RAPGEF6: variants seen among roughly 807,000 people sequenced by gnomAD.
The protein encoded by RAPGEF6 is Rap guanine nucleotide exchange factor 6, also known as PDZ domain containing guanine nucleotide exchange factor (GEF) 2.
RAPGEF6 carries 56 observed loss-of-function variants against 171.4 expected under a neutral mutation model. The ratio of observed to expected loss-of-function variants is 0.33; its 90% confidence interval spans 0.26 to 0.41. The LOEUF is 0.41. RAPGEF6 is among the 10% of genes least tolerant of loss of function. The pLI, the probability that RAPGEF6 is intolerant of heterozygous loss-of-function variation, is 1.00. For synonymous variants in RAPGEF6, 692 were observed against 650.1 expected (o/e 1.06, Z -0.98); for missense variants, 1,674 against 1,921.4 (o/e 0.87, Z 2.41).
intron 7 of RAPGEF6, among the ~76,000 whole-genome samples, chr5:131,518,270 G>A (rs1758233434): frequency 6.6e-6 from 1 of 151,644 alleles, no homozygotes. Flanking sequence ...GTATGTAGGT[G>A]TATATTTTTA....
In RAPGEF6 at chr5:131,427,260, C is replaced by T; in HGVS notation, c.*6G>A. On this transcript the variant is annotated 3_prime_UTR_variant, in exon 28 of 28. Transcript: ENST00000509018. ...TTCAGTGGTTTTCAAATAGGTCATC[C>T]AAAGGCTAGACTGCTGAAACTTGTT... 1 of 1,609,060 alleles carries T rather than the reference C, an allele frequency of 6.2e-7. No homozygotes were observed.
chr5:131,634,740 C>A (rs1027134352), intron 1 of RAPGEF6, among the ~76,000 whole-genome samples: 1 of 152,192 alleles, frequency 6.6e-6, no homozygotes, highest in African/African-American at 2.4e-5. Context: ...CAGAAGCCCC[C>A]GGCAAGGACG....
At chr5:131,491,589 G>A (rs1756287571) in intron 14 of RAPGEF6, among the ~76,000 whole-genome samples, 1 of 152,160 alleles carries the variant, frequency 6.6e-6, no homozygotes, top group Non-Finnish European at 1.5e-5. Flanking sequence ...CACACAGCAG[G>A]AGGTGAGCAG....
chr5:131,623,494 TTTTTGTG>T (rs1765716405), intron 1 of RAPGEF6, among the ~76,000 whole-genome samples: 1 of 149,978 alleles, frequency 6.7e-6, no homozygotes, highest in African/African-American at 2.5e-5. Flanking sequence ...TTTTTTTTTT[TTTTTGTG>T]AGACAGAGTT....
intron 16 of RAPGEF6, 145 bp downstream of exon 16, chr5:131,479,368 T>C: frequency 1.3e-6 from 1 of 765,706 alleles, no homozygotes; most frequent in Non-Finnish European, 2.1e-6. Context: ...AGTTCAAATG[T>C]ATTCTTATTT....
Position 131,578,016 on chromosome 5 carries a change from C to T in RAPGEF6, c.281+14367G>A, listed in dbSNP as rs113166755. Among the ~76,000 whole-genome samples, 978 of 152,304 alleles carry T rather than the reference C, an allele frequency of 6.4e-3. 11 individuals carry two copies. The highest frequency in any genetic ancestry group is 0.019 in the African/African-American group (775 of 41,566). The stretch of plus-strand genomic sequence containing the variant: ...CTCCTATTCACCATTCTCAACTACT[C>T]GTAAATGCCCTGCCCTTGTTTACAC... On this transcript the variant is annotated intron_variant, in intron 4 of 27. Coordinates refer to ENST00000509018, the MANE Select transcript of RAPGEF6 (RefSeq NM_016340.6).
At chr5:131,562,744 G>C (rs896549398) in intron 4 of RAPGEF6, among the ~76,000 whole-genome samples, 4 of 152,064 alleles carry the variant, frequency 2.6e-5, no homozygotes, top group Admixed American at 6.5e-5. Flanking sequence ...AGTAAAACAA[G>C]TCTATATATG....
At chr5:131,545,408 AG>A (rs1244832861) in intron 6 of RAPGEF6, among the ~76,000 whole-genome samples, 1 of 152,080 alleles carries the variant, frequency 6.6e-6, no homozygotes, top group Non-Finnish European at 1.5e-5. Context: ...TTACACATTA[AG>A]GAAAAAAAAA....
intron 1 of RAPGEF6, among the ~76,000 whole-genome samples, chr5:131,631,958 C>A (rs536629014): frequency 6.6e-6 from 1 of 151,990 alleles, no homozygotes; most frequent in East Asian, 1.9e-4. Flanking sequence ...CACCTGTAGT[C>A]CCAGCTACTC....
chr5:131,496,853 G>C (rs1372856544), intron 12 of RAPGEF6, among the ~76,000 whole-genome samples: 1 of 151,888 alleles, frequency 6.6e-6, no homozygotes, highest in Non-Finnish European at 1.5e-5. Flanking sequence ...TAATTCTCTG[G>C]GTATTTACCT....
rs565308002 is a variant in RAPGEF6, at chr5:131,601,066, G to T, written c.197+2205C>A. 9.3e-5 allele frequency among the ~76,000 whole-genome samples: 12 copies of T among 128,696 alleles called. No homozygotes were observed. In the South Asian group the frequency reaches 3.0e-3, roughly 32 times the overall value. The allele number at this position is 128,696 out of a possible 152,430, so 84.4% of individuals were successfully genotyped here. ...GGAGTTCAAGACTGGCCTGGGCAAC[G>T]CAAGAAAACTCCATTTCAAAAAAAA... On this transcript the variant is annotated intron_variant, in intron 3 of 27. Coordinates refer to ENST00000509018, the MANE Select transcript of RAPGEF6 (RefSeq NM_016340.6).
intron 4 of RAPGEF6, among the ~76,000 whole-genome samples, chr5:131,576,886 GA>G (rs1380309612): frequency 2.0e-5 from 3 of 151,990 alleles, no homozygotes; most frequent in Non-Finnish European, 2.9e-5. Context: ...TTCCATCATG[GA>G]AATCCATCCT....
rs186792863 is a variant in RAPGEF6, at chr5:131,513,739, G to A, written c.628-3248C>T. 3.9e-4 allele frequency among the ~76,000 whole-genome samples: 59 copies of A among 152,324 alleles called. No homozygotes were observed. The East Asian group carries it at 0.011, about 28-fold the overall frequency. ...TTTGTCTTTCTAAGCCAGGCACAAT[G>A]GCTCCTGCCTGTAATCTCAGCACTT... On this transcript the variant is annotated intron_variant, in intron 7 of 27. Transcript: ENST00000509018.
In RAPGEF6 at chr5:131,429,016, T is replaced by A. The variant is rs1227553638; in HGVS notation, c.4666A>T (p.Ser1556Cys). 2 of 1,614,158 alleles carry A rather than the reference T, an allele frequency of 1.2e-6. No individual in the cohort carries two copies. Among genetic ancestry groups the A allele is most frequent in the Non-Finnish European group, 1.7e-6 (2 of 1,179,996 alleles). ...GATGGAACACAGGCCACGAGGTTGC[T>A]ACTGAGAGAAGCTGGTGGCAGTCTA... ...LSRLPPASLS[S>C]NLVACVPSKI... The change falls in exon 27 of 28, where the codon AGC (serine) becomes TGC (cysteine). Residue 1556 changes from serine to cysteine, a missense_variant. Ser to Cys is a moderately radical substitution (Grantham distance 112, BLOSUM62 -1). This residue lies in a region of RAPGEF6 where 552 missense variants were observed against 574.2 expected (regional missense o/e 0.96). Transcript: ENST00000509018.
At chr5:131,562,815 G>A (rs1309943164) in intron 4 of RAPGEF6, among the ~76,000 whole-genome samples, 2 of 151,898 alleles carry the variant, frequency 1.3e-5, no homozygotes, top group Non-Finnish European at 2.9e-5. Flanking sequence ...TGAATTAATG[G>A]ATGTGAAACC....
At chr5:131,563,662 C>T (rs1364121246) in intron 4 of RAPGEF6, among the ~76,000 whole-genome samples, 1 of 152,116 alleles carries the variant, frequency 6.6e-6, no homozygotes, top group Non-Finnish European at 1.5e-5. Flanking sequence ...ACTACCATGC[C>T]TGGCGAATTT....
intron 15 of RAPGEF6, among the ~76,000 whole-genome samples, chr5:131,481,701 T>A (rs971854515): frequency 6.6e-6 from 1 of 152,200 alleles, no homozygotes; most frequent in Middle Eastern, 3.2e-3. Flanking sequence ...TAAATCTGTA[T>A]AAGGTTAAAT....
chr5:131,479,995 G>A (rs1422964915), intron 15 of RAPGEF6, among the ~76,000 whole-genome samples: 10 of 151,976 alleles, frequency 6.6e-5, no homozygotes, highest in Admixed American at 6.6e-4. Context: ...AGTCAGTGGG[G>A]GGAAAGGGAA....
intron 4 of RAPGEF6, among the ~76,000 whole-genome samples, chr5:131,577,079 T>G (rs905250166): frequency 6.6e-6 from 1 of 152,164 alleles, no homozygotes. Context: ...GGTAGATACA[T>G]TCACTGGATG....
Sources: gnomAD v4.1 joint callset for allele counts (sites outside exome capture counted in the v4.1 genomes callset) on GRCh38, gnomAD v4.1.1 for gene constraint, gnomAD v4.1.1 regional missense constraint, MANE v1.5 for transcripts, NCBI Gene and HGNC (gene_info 2026-07-23, HGNC 2026-07-21) for gene names.